SRGAP1: variants seen among roughly 807,000 people sequenced by gnomAD.
SRGAP1 encodes the protein SLIT-ROBO Rho GTPase activating protein 1.
A neutral mutation model predicts 121.9 loss-of-function variants in SRGAP1; 43 were observed. That is an observed-to-expected ratio of 0.35 (90% CI 0.28 to 0.46). SRGAP1 has a LOEUF of 0.46. SRGAP1 is among the 20% of genes least tolerant of loss of function. The pLI, the probability that SRGAP1 is intolerant of heterozygous loss-of-function variation, is 1.00. For missense variants in SRGAP1, 1,102 were observed against 1,350.9 expected (o/e 0.82, Z 2.89); for synonymous variants, 447 against 485.4 (o/e 0.92, Z 1.04).
chr12:64,119,963 G>T (rs1243934132), intron 18 of SRGAP1, among the ~76,000 whole-genome samples: 1 of 151,054 alleles, frequency 6.6e-6, no homozygotes, highest in Non-Finnish European at 1.5e-5. Flanking sequence ...AAGAGACAGG[G>T]TTTCACCATG....
intron 6 of SRGAP1, among the ~76,000 whole-genome samples, chr12:64,062,189 C>A (rs1011714088): frequency 6.6e-6 from 1 of 152,140 alleles, no homozygotes; most frequent in African/African-American, 2.4e-5. Context: ...CCAACACTTG[C>A]TATTGTCTGT....
chr12:64,091,436 A>C, intron 12 of SRGAP1, 58 bp downstream of exon 12: 4 of 1,293,772 alleles, frequency 3.1e-6, no homozygotes, highest in Non-Finnish European at 4.4e-6. Context: ...TAATGGTCTC[A>C]GCCTCTTGTA....
At chr12:63,923,939 C>T (rs1198833022) in intron 1 of SRGAP1, among the ~76,000 whole-genome samples, 7 of 152,106 alleles carry the variant, frequency 4.6e-5, no homozygotes, top group Admixed American at 2.6e-4. Flanking sequence ...GTCAGGAGTT[C>T]GAGACCAGCC....
At position 64,147,311 on chromosome 12, in the gene SRGAP1, G is replaced by A. The variant is rs2037068681; in HGVS notation, c.*4639G>A. 2.5e-6 allele frequency: 1 copy of A among 395,848 alleles called. No homozygotes were observed. Among genetic ancestry groups the A allele is most frequent in the Non-Finnish European group, 4.4e-6 (1 of 225,060 alleles). 24.5% of individuals were successfully genotyped at this position (395,848 alleles called of 1,614,324 possible). On this transcript the variant is annotated 3_prime_UTR_variant, in exon 22 of 22. Coordinates refer to ENST00000355086, the MANE Select transcript of SRGAP1 (RefSeq NM_020762.4). ...CATGTGAAAGTGCCTTTCTATTTTA[G>A]AGGAGTTTTAGCCTTGCTCTTGTAC... is the stretch of plus-strand genomic sequence containing the variant.
intron 1 of SRGAP1, among the ~76,000 whole-genome samples, chr12:63,861,158 G>T (rs1899432548): frequency 7.0e-6 from 1 of 143,264 alleles, no homozygotes; most frequent in Non-Finnish European, 1.5e-5. Context: ...TCTAAGTACT[G>T]CTTTACCTGC....
intron 6 of SRGAP1, among the ~76,000 whole-genome samples, chr12:64,058,278 G>A (rs949187719): frequency 5.4e-4 from 82 of 152,216 alleles, no homozygotes; most frequent in African/African-American, 1.7e-3. Context: ...GCAACTTTTC[G>A]ACTTTACAAT....
At chr12:64,072,641 C>T (rs772362763) in intron 8 of SRGAP1, among the ~76,000 whole-genome samples, 16 of 152,052 alleles carry the variant, frequency 1.1e-4, no homozygotes, top group Non-Finnish European at 2.4e-4. Flanking sequence ...CAGATCCTTC[C>T]CTCCCATCCC....
chr12:64,048,559 T>G (rs2136514470), intron 6 of SRGAP1, among the ~76,000 whole-genome samples: 1 of 152,288 alleles, frequency 6.6e-6, no homozygotes, highest in Non-Finnish European at 1.5e-5. Flanking sequence ...CTATTTTTAG[T>G]TTTTTGAGGT....
chr12:63,856,088 T>A (rs1333990872), intron 1 of SRGAP1, among the ~76,000 whole-genome samples: 1 of 151,862 alleles, frequency 6.6e-6, no homozygotes, highest in Non-Finnish European at 1.5e-5. Flanking sequence ...CGAAACGCCA[T>A]CTCTACTAAA....
At chr12:64,049,327 T>C (rs1479670512) in intron 6 of SRGAP1, among the ~76,000 whole-genome samples, 2 of 152,132 alleles carry the variant, frequency 1.3e-5, no homozygotes, top group Non-Finnish European at 2.9e-5. Flanking sequence ...GACTGGGAAA[T>C]TTATAAAGGA....
At chr12:63,894,011 G>A (rs1209353771) in intron 1 of SRGAP1, among the ~76,000 whole-genome samples, 1 of 152,130 alleles carries the variant, frequency 6.6e-6, no homozygotes, top group Non-Finnish European at 1.5e-5. Context: ...GCTAATTTTT[G>A]TATTTTTTAG....
At chr12:64,058,010 C>T (rs2035375035) in intron 6 of SRGAP1, among the ~76,000 whole-genome samples, 1 of 152,164 alleles carries the variant, frequency 6.6e-6, no homozygotes, top group Non-Finnish European at 1.5e-5. Flanking sequence ...TTCTACCCCA[C>T]TAGGGCTCAT....
intron 1 of SRGAP1, among the ~76,000 whole-genome samples, chr12:63,869,806 G>T (rs915019967): frequency 6.6e-6 from 1 of 152,192 alleles, no homozygotes; most frequent in African/African-American, 2.4e-5. Flanking sequence ...CAGCCTAGTA[G>T]ATACAATATG....
chr12:64,012,716 A>G (rs1301562986), intron 3 of SRGAP1, among the ~76,000 whole-genome samples: 1 of 151,352 alleles, frequency 6.6e-6, no homozygotes, highest in Non-Finnish European at 1.5e-5. Flanking sequence ...ATGCCCAGCT[A>G]ATTTTTGTAT....
At chr12:63,874,071 A>G (rs1236810952) in intron 1 of SRGAP1, among the ~76,000 whole-genome samples, 1 of 152,086 alleles carries the variant, frequency 6.6e-6, no homozygotes, top group Non-Finnish European at 1.5e-5. Context: ...AAGAGAAGAA[A>G]GAAGGAAGGG....
At chr12:63,922,725 G>T (rs1002729110) in intron 1 of SRGAP1, among the ~76,000 whole-genome samples, 2 of 152,330 alleles carry the variant, frequency 1.3e-5, no homozygotes, top group South Asian at 4.1e-4. Context: ...TGTTGCATGG[G>T]AGGCATCTGT....
At chr12:64,070,519 G>A (rs1418541917) in intron 8 of SRGAP1, among the ~76,000 whole-genome samples, 1 of 152,152 alleles carries the variant, frequency 6.6e-6, no homozygotes, top group Non-Finnish European at 1.5e-5. Flanking sequence ...TCAAATTATA[G>A]TAGATTTACC....
At chr12:64,085,040 C>A (rs75616978) in intron 10 of SRGAP1, among the ~76,000 whole-genome samples, 1 of 152,098 alleles carries the variant, frequency 6.6e-6, no homozygotes, top group Non-Finnish European at 1.5e-5. Context: ...AAAAGACTTA[C>A]GTTTTTAAAG....
At chr12:63,957,169 T>C (rs2032498990) in intron 1 of SRGAP1, among the ~76,000 whole-genome samples, 1 of 152,248 alleles carries the variant, frequency 6.6e-6, no homozygotes, top group Non-Finnish European at 1.5e-5. Flanking sequence ...ATAACGCTGC[T>C]GTAAACATTT....
Sources: gnomAD v4.1 joint callset for allele counts (sites outside exome capture counted in the v4.1 genomes callset) on GRCh38, gnomAD v4.1.1 for gene constraint, MANE v1.5 for transcripts, NCBI Gene and HGNC (gene_info 2026-07-23, HGNC 2026-07-21) for gene names.